DCLK1: variants seen among roughly 807,000 people sequenced by gnomAD.
DCLK1 encodes the protein serine/threonine-protein kinase DCLK1.
Under a neutral mutation model 86.2 loss-of-function variants are expected in DCLK1, and 16 were observed. The observed-to-expected ratio is 0.19, with a 90% CI of 0.13 to 0.28. The LOEUF (loss-of-function observed/expected upper bound fraction) is 0.28, where lower values mean the gene tolerates loss of function less well. Among genes scored for constraint, DCLK1 ranks in the 10% least tolerant of loss-of-function variants. The pLI is 1.00. For synonymous variants in DCLK1, 369 were observed against 370.5 expected (o/e 1.00, Z 0.05); for missense variants, 590 against 940.2 (o/e 0.63, Z 4.87).
intron 3 of DCLK1, among the ~76,000 whole-genome samples, chr13:36,107,130 C>CTT (rs1885424043): frequency 6.6e-6 from 1 of 152,076 alleles, no homozygotes; most frequent in East Asian, 1.9e-4. Flanking sequence ...GATTCATGAT[C>CTT]AAAAGATACA....
chr13:35,967,795 T>G (rs1878854568), intron 3 of DCLK1, among the ~76,000 whole-genome samples: 2 of 149,894 alleles, frequency 1.3e-5, no homozygotes, highest in South Asian at 4.2e-4. Context: ...CAAATCCCCC[T>G]CTCCGAGAAA....
chr13:35,863,248 C>G (rs548501005), intron 5 of DCLK1, among the ~76,000 whole-genome samples: 1 of 152,182 alleles, frequency 6.6e-6, no homozygotes, highest in Non-Finnish European at 1.5e-5. Context: ...CAACACATGG[C>G]TGTATATGTT....
chr13:36,009,807 A>T (rs1381994337), intron 3 of DCLK1, among the ~76,000 whole-genome samples: 3 of 114,708 alleles, frequency 2.6e-5, no homozygotes, highest in Non-Finnish European at 5.3e-5. Context: ...TCTGTAAATT[A>T]TCTTGGGCAG....
At chr13:36,102,479 T>G (rs962982891) in intron 3 of DCLK1, among the ~76,000 whole-genome samples, 1 of 152,196 alleles carries the variant, frequency 6.6e-6, no homozygotes, top group African/African-American at 2.4e-5. Context: ...CAAAGCACTA[T>G]CTTCTTTCTC....
intron 5 of DCLK1, among the ~76,000 whole-genome samples, chr13:35,860,319 T>C (rs60956965): frequency 2.4e-4 from 34 of 141,304 alleles, no homozygotes; most frequent in Middle Eastern, 3.4e-3. Context: ...ATGCAGGGGG[T>C]GGGGGGTGCA....
intron 3 of DCLK1, among the ~76,000 whole-genome samples, chr13:36,041,615 C>A (rs568964556): frequency 6.6e-6 from 1 of 152,260 alleles, no homozygotes; most frequent in African/African-American, 2.4e-5. Flanking sequence ...ATATATTAAC[C>A]TGCTTCATTG....
At chr13:36,038,854 T>A (rs1414537356) in intron 3 of DCLK1, among the ~76,000 whole-genome samples, 2 of 152,170 alleles carry the variant, frequency 1.3e-5, no homozygotes, top group Non-Finnish European at 2.9e-5. Flanking sequence ...TTCAAATATC[T>A]AGGAGGTAGC....
intron 11 of DCLK1, among the ~76,000 whole-genome samples, chr13:35,819,401 A>G (rs1405879144): frequency 6.6e-6 from 1 of 152,196 alleles, no homozygotes; most frequent in Non-Finnish European, 1.5e-5. Flanking sequence ...CTGTTCTATA[A>G]GAATTAAAAA....
intron 5 of DCLK1, 125 bp downstream of exon 5, chr13:35,871,099 G>T: frequency 1.3e-6 from 1 of 767,474 alleles, no homozygotes; most frequent in Non-Finnish European, 2.1e-6. Context: ...GCTCTAAGAT[G>T]TTCTAAAATT....
At chr13:36,013,906 C>A (rs921652754) in intron 3 of DCLK1, among the ~76,000 whole-genome samples, 1 of 152,226 alleles carries the variant, frequency 6.6e-6, no homozygotes, top group African/African-American at 2.4e-5. Context: ...ACCCTCCGAG[C>A]CAGGTGTGGG....
chr13:36,038,551 T>C (rs1023378755), intron 3 of DCLK1, among the ~76,000 whole-genome samples: 5 of 152,186 alleles, frequency 3.3e-5, no homozygotes, highest in African/African-American at 9.7e-5. Flanking sequence ...AAATGCATAA[T>C]CTCAGAGGCT....
chr13:35,848,483 G>C (rs1290229346), intron 6 of DCLK1: 2 of 985,138 alleles, frequency 2.0e-6, no homozygotes, highest in Non-Finnish European at 2.4e-6. Context: ...ATATGTTCAA[G>C]AGATTAAATG....
At chr13:35,858,061 G>A (rs1170702014) in intron 5 of DCLK1, among the ~76,000 whole-genome samples, 3 of 152,176 alleles carry the variant, frequency 2.0e-5, no homozygotes, top group African/African-American at 4.8e-5. Context: ...ACAGGATCAG[G>A]CTTGCATTTG....
chr13:36,001,099 C>T (rs1880696002), intron 3 of DCLK1, among the ~76,000 whole-genome samples: 1 of 152,104 alleles, frequency 6.6e-6, no homozygotes, highest in Admixed American at 6.5e-5. Flanking sequence ...GAGGCATGAG[C>T]CACCAAGCCC....
intron 3 of DCLK1, among the ~76,000 whole-genome samples, chr13:36,034,929 G>T (rs1427055260): frequency 6.6e-6 from 1 of 152,152 alleles, no homozygotes; most frequent in African/African-American, 2.4e-5. Context: ...TTATAAAAGC[G>T]GAAAGGCTTA....
chr13:35,879,918 C>A (rs1469280930), intron 4 of DCLK1, among the ~76,000 whole-genome samples: 1 of 152,162 alleles, frequency 6.6e-6, no homozygotes, highest in Non-Finnish European at 1.5e-5. Flanking sequence ...CCAAAAACGT[C>A]CCCACACATT....
intron 4 of DCLK1, among the ~76,000 whole-genome samples, chr13:35,894,437 C>T (rs1216845730): frequency 4.6e-5 from 7 of 152,154 alleles, no homozygotes; most frequent in Non-Finnish European, 1.0e-4. Context: ...AGGAAGGGCT[C>T]TCGCAGTGGA....
intron 6 of DCLK1, among the ~76,000 whole-genome samples, chr13:35,844,778 A>G (rs1028629747): frequency 1.3e-5 from 2 of 152,196 alleles, no homozygotes; most frequent in African/African-American, 4.8e-5. Context: ...ATTCCTTCCA[A>G]TGATTATTGC....
chr13:35,786,828 T>A (rs1204911787), intron 16 of DCLK1, among the ~76,000 whole-genome samples: 1 of 152,118 alleles, frequency 6.6e-6, no homozygotes, highest in East Asian at 1.9e-4. Context: ...ATTAAATAAA[T>A]GAATGTGCAA....
Sources: allele counts gnomAD v4.1 joint callset (sites outside exome capture counted in the v4.1 genomes callset), GRCh38; gene constraint gnomAD v4.1.1; transcripts MANE v1.5; gene names NCBI Gene and HGNC (gene_info 2026-07-23, HGNC 2026-07-21).